RNPC3: variants seen among roughly 807,000 people sequenced by gnomAD.
RNPC3 encodes RNA binding region (RNP1, RRM) containing 3.
RNPC3 carries 48 observed loss-of-function variants against 67.5 expected under a neutral mutation model. The observed-to-expected ratio is 0.71, with a 90% confidence interval of 0.56 to 0.90. The LOEUF is 0.90. Among genes scored for constraint, RNPC3 ranks in the 40% least tolerant of loss-of-function variants. The probability of loss-of-function intolerance (pLI) is 0.00; values close to 1 mark genes in which losing one functional copy is unlikely to be tolerated. For missense variants in RNPC3, 637 were observed against 626.1 expected (o/e 1.02, Z -0.19); for synonymous variants, 239 against 210.3 (o/e 1.14, Z -1.18).
chr1:103,527,033 T>TA (rs1650733895), intron 1 of RNPC3, among the ~76,000 whole-genome samples: 3 of 151,998 alleles, frequency 2.0e-5, no homozygotes, highest in Non-Finnish European at 2.9e-5. Context: ...AAAAAAAAAA[T>TA]TATATATGGC....
In RNPC3 at chr1:103,551,953, T is replaced by C. The variant is rs1365998956; in HGVS notation, c.*12+161T>C. 1.1e-5 allele frequency: 5 copies of C among 467,040 alleles called. No individual in the cohort carries two copies. In the East Asian group the frequency reaches 1.8e-4, roughly 17 times the overall value. 28.9% of individuals were successfully genotyped at this position (467,040 alleles called of 1,614,324 possible). On this transcript the variant is annotated intron_variant, in intron 14 of 14. Transcript: ENST00000423855. ...TCCCATTAAACGTCAAAACTATAAC[T>C]ACAGATTAAAACCCATTTATATGTG... is the stretch of plus-strand genomic sequence containing the variant.
In RNPC3 at chr1:103,538,244, A is replaced by C. The variant is rs534746155; in HGVS notation, c.767+760A>C. ...ACACGTTCTGAGATGAAGTCAAATA[A>C]AGACACCCTCTGCCTTCTTGTTTCA... is the stretch of plus-strand genomic sequence containing the variant. On this transcript the variant is annotated intron_variant, in intron 7 of 14. Coordinates refer to ENST00000423855, the MANE Select transcript of RNPC3 (RefSeq NM_017619.4). 2.6e-5 allele frequency among the ~76,000 whole-genome samples: 4 copies of C among 152,318 alleles called. No individual in the cohort carries two copies. In the East Asian group the frequency reaches 7.7e-4, roughly 29 times the overall value.
chr1:103,550,983 A>G lies in RNPC3; in HGVS notation c.1404A>G (p.Gln468=). The change falls in exon 13 of 15, where the codon CAA becomes CAG. Residue 468 remains glutamine (Q), a synonymous_variant. Coordinates refer to ENST00000423855, the MANE Select transcript of RNPC3 (RefSeq NM_017619.4). ...TGAAAGAAGGTCGTATGAAAGGACA[A>G]GCTTTCATTGGACTTCCTAATGAAA... ...RLMKEGRMKG[Q]AFIGLPNEKA... is the part of the protein sequence containing the mutation. 1 of 1,611,222 alleles carries G rather than the reference A, an allele frequency of 6.2e-7. No homozygotes were observed. Among genetic ancestry groups the G allele is most frequent in the South Asian group, 1.1e-5 (1 of 90,984 alleles).
At chr1:103,534,722 A>G in intron 3 of RNPC3, 52 bp from the exon 4 acceptor site, 1 of 947,200 alleles carries the variant, frequency 1.1e-6, no homozygotes. Flanking sequence ...TTCTGTGTGC[A>G]GTTTTTCACC....
chr1:103,534,978 A>G lies in RNPC3; in HGVS notation c.443+121A>G, dbSNP rs144360407. 5.9e-3 allele frequency: 3,372 copies of G among 574,526 alleles called. 17 individuals are homozygous for G. The highest frequency in any genetic ancestry group is 7.9e-3 in the Non-Finnish European group (2,656 of 335,958). 35.6% of individuals were successfully genotyped at this position (574,526 alleles called of 1,614,324 possible). ...ATACAGATATCTTATTGCTTATTGT[A>G]TATTGTGTTATATACAGATATCTTA... On this transcript the variant is annotated intron_variant, in intron 4 of 14. Transcript: ENST00000423855.
At chr1:103,551,957 G>A in intron 14 of RNPC3, 165 bp downstream of exon 14, 1 of 447,120 alleles carries the variant, frequency 2.2e-6, no homozygotes, top group Non-Finnish European at 4.0e-6. Context: ...TATAACTACA[G>A]ATTAAAACCC....
rs1303510311 is a variant in RNPC3, at chr1:103,526,127, G to A, written c.57G>A (p.Ser19=). ...CAAGGGGATGCACGAGCTCCTCCTC[G>A]CTTTCCCCGCCTCGGGGCGACCGAA... ...AISRGCTSSS[S]LSPPRGDRTL... is the part of the protein sequence containing the mutation. Residue 19 remains serine, a synonymous_variant, in exon 1 of 15, where the codon TCG becomes TCA. Transcript: ENST00000423855. The A allele has an allele frequency of 1.3e-6, 2 of 1,551,062 alleles. No homozygotes were observed. The highest frequency in any genetic ancestry group is 3.9e-5 in the Admixed American group (2 of 50,920).
At chr1:103,529,539 A>C (rs143175458) in intron 2 of RNPC3, among the ~76,000 whole-genome samples, 2,331 of 152,296 alleles carry the variant, frequency 0.015, 37 homozygotes, top group Non-Finnish European at 0.022. Flanking sequence ...TAGCCGAGTC[A>C]GGTAGGAGGA....
rs1013611077 is a variant in RNPC3 at position 103,526,203 on chromosome 1, G to A, written c.133G>A (p.Asp45Asn). Residue 45 changes from aspartate (D) to asparagine (N), a missense_variant, in exon 1 of 15, where the codon GAC becomes AAC. Around this residue, in one of 3 missense-constraint regions of RNPC3, gnomAD observed 536 missense variants for 500.3 expected, o/e 1.07. Transcript: ENST00000423855. ...PAELTAEEKE[D>N]LLKYFGAQSV... ...TGAGCTTACTGCTGAGGAGAAAGAGGACTTGCTGAAGTACTTCGGGGCTCA... is the reference window on the plus strand; with the variant it reads ...TGAGCTTACTGCTGAGGAGAAAGAGAACTTGCTGAAGTACTTCGGGGCTCA... 6.4e-6 allele frequency: 10 copies of A among 1,551,362 alleles called. No individual in the cohort carries two copies. The African/African-American group carries it at 6.8e-5, about 11-fold the overall frequency.
At position 103,543,421 on chromosome 1, in the gene RNPC3, A is replaced by T. The variant is rs1261680140; in HGVS notation, c.1019A>T (p.Glu340Val). The T allele has an allele frequency of 1.3e-6, 2 of 1,512,332 alleles. No individual in the cohort carries two copies. The highest frequency in any genetic ancestry group is 5.1e-5 in the East Asian group (2 of 39,378). The allele number at this position is 1,512,332 out of a possible 1,614,324, so 93.7% of individuals were successfully genotyped here. Residue 340 changes from glutamate (E) to valine (V), a missense_variant, in exon 9 of 15, where the codon GAA (glutamate) becomes GTA (valine). Glu to Val is a moderately radical substitution (Grantham distance 121). This residue lies in a region of RNPC3 where 536 missense variants were observed against 500.3 expected (regional missense o/e 1.07). Transcript: ENST00000423855. ...PAAFKKDLEK[E>V]QNCEEKNHDL... is the part of the protein sequence containing the mutation. ...GCATTTAAGAAAGATTTAGAAAAGG[A>T]ACAAAATTGTGAGGAAAAAAATCAT...
intron 2 of RNPC3, 58 bp from the exon 3 acceptor site, chr1:103,533,681 C>CT (rs1277125509): frequency 1.1e-6 from 1 of 900,718 alleles, no homozygotes; most frequent in South Asian, 1.5e-5. Context: ...AAATTGGTCT[C>CT]TAACGAATCA....
chr1:103,549,070 G>A (rs998679920), intron 12 of RNPC3, among the ~76,000 whole-genome samples: 1 of 152,132 alleles, frequency 6.6e-6, no homozygotes, highest in Non-Finnish European at 1.5e-5. Flanking sequence ...TTCCTCCCAT[G>A]ACACATGGGA....
At chr1:103,530,523 T>C (rs1650823260) in intron 2 of RNPC3, among the ~76,000 whole-genome samples, 1 of 152,170 alleles carries the variant, frequency 6.6e-6, no homozygotes, top group Admixed American at 6.5e-5. Flanking sequence ...GTGGGAGTGA[T>C]CTGTGGGAGC....
At position 103,537,379 on chromosome 1, in the gene RNPC3, C is replaced by T; in HGVS notation, c.662C>T (p.Pro221Leu). The change falls in exon 7 of 15, where the codon CCC becomes CTC. Residue 221 changes from proline to leucine, a missense_variant. Pro to Leu is a moderately conservative substitution (Grantham distance 98, BLOSUM62 -3). Transcript: ENST00000423855. ...ATGCCATTGCATGCACCTCTTCCAC[C>T]CACATCTCCTCAGCCACCTGAGGAA... Reference protein sequence around the residue: ...DYMPLHAPLPPTSPQPPEEPP... With the variant: ...DYMPLHAPLPLTSPQPPEEPP... 3 of 1,535,790 alleles carry T rather than the reference C, an allele frequency of 2.0e-6. No individual in the cohort carries two copies. The highest frequency in any genetic ancestry group is 1.2e-5 in the South Asian group (1 of 83,996).
intron 7 of RNPC3, among the ~76,000 whole-genome samples, chr1:103,539,642 G>A (rs149639640): frequency 1.8e-3 from 278 of 152,250 alleles, no homozygotes; most frequent in Non-Finnish European, 3.4e-3. Flanking sequence ...TTCATCTTGA[G>A]TCCTGAGAGA....
intron 11 of RNPC3, 23 bp downstream of exon 11, chr1:103,546,365 T>C (rs2101051041): frequency 3.4e-6 from 4 of 1,179,716 alleles, no homozygotes; most frequent in African/African-American, 1.6e-5. Context: ...TGATTTTTTT[T>C]CATGTAAATG....
chr1:103,538,448 A>G (rs901341426), intron 7 of RNPC3, among the ~76,000 whole-genome samples: 1 of 152,192 alleles, frequency 6.6e-6, no homozygotes, highest in African/African-American at 2.4e-5. Context: ...GAGAAAATAC[A>G]TGGCTTTCCT....
chr1:103,526,920 C>A (rs1293513614), intron 1 of RNPC3, among the ~76,000 whole-genome samples: 2 of 151,828 alleles, frequency 1.3e-5, no homozygotes, highest in Non-Finnish European at 2.9e-5. Flanking sequence ...TAAAGTTTCC[C>A]TAGGTGATTT....
intron 12 of RNPC3, 96 bp downstream of exon 12, chr1:103,547,131 A>G (rs1429903328): frequency 2.8e-6 from 2 of 708,584 alleles, no homozygotes; most frequent in Non-Finnish European, 4.4e-6. Flanking sequence ...TTTTAGAGAT[A>G]AAAATTATAT....
Sources: gnomAD v4.1 joint callset for allele counts (sites outside exome capture counted in the v4.1 genomes callset) on GRCh38, gnomAD v4.1.1 for gene constraint, gnomAD v4.1.1 regional missense constraint, MANE v1.5 for transcripts, NCBI Gene and HGNC (gene_info 2026-07-23, HGNC 2026-07-21) for gene names.